The following SBNO1 variants were observed in gnomAD, a reference collection of about 807,000 sequenced individuals.
SBNO1 encodes strawberry notch homolog 1, also known as protein strawberry notch homolog 1.
Under a neutral mutation model 173.6 loss-of-function variants are expected in SBNO1, and 23 were observed. The ratio of observed to expected loss-of-function variants is 0.13; its 90% confidence interval spans 0.10 to 0.19. The LOEUF (loss-of-function observed/expected upper bound fraction) is 0.19, where lower values mean the gene tolerates loss of function less well. SBNO1 is among the 10% of genes least tolerant of loss of function. The pLI, the probability that SBNO1 is intolerant of heterozygous loss-of-function variation, is 1.00. For missense variants in SBNO1, 1,238 were observed against 1,671.2 expected, an observed-to-expected ratio of 0.74 and a Z score of 4.52; for synonymous variants, 632 against 571.5, an observed-to-expected ratio of 1.11 and a Z score of -1.51.
chr12:123,323,285 C>T (rs1303126913), intron 16 of SBNO1, among the ~76,000 whole-genome samples: 2 of 152,226 alleles, frequency 1.3e-5, no homozygotes, highest in African/African-American at 4.8e-5. Flanking sequence ...GCAGTTCATT[C>T]CCAAAATATA....
At chr12:123,362,080 C>T (rs1180385647) in intron 1 of SBNO1, among the ~76,000 whole-genome samples, 1 of 150,718 alleles carries the variant, frequency 6.6e-6, no homozygotes, top group Non-Finnish European at 1.5e-5. Context: ...CAGAGGAATG[C>T]AGTGAGCCAA....
chr12:123,327,607 T>G, intron 12 of SBNO1, 28 bp from the exon 13 acceptor site: 1 of 1,605,118 alleles, frequency 6.2e-7, no homozygotes, highest in Non-Finnish European at 8.5e-7. Flanking sequence ...ATACAGTAAT[T>G]ACCAATACAG....
At chr12:123,323,889 A>G in intron 15 of SBNO1, 58 bp from the exon 16 acceptor site, 1 of 1,261,828 alleles carries the variant, frequency 7.9e-7, no homozygotes, top group South Asian at 1.6e-5. Flanking sequence ...TTATATGTAA[A>G]GTATTATTAA....
intron 3 of SBNO1, among the ~76,000 whole-genome samples, chr12:123,346,719 T>C (rs1873194613): frequency 6.6e-6 from 1 of 151,964 alleles, no homozygotes; most frequent in South Asian, 2.1e-4. Flanking sequence ...ACAACTTTTT[T>C]CAATATTTTG....
intron 6 of SBNO1, among the ~76,000 whole-genome samples, chr12:123,334,947 G>A (rs188315837): frequency 3.3e-5 from 5 of 152,314 alleles, no homozygotes; most frequent in Non-Finnish European, 7.3e-5. Flanking sequence ...TCAGCACTTT[G>A]GGAGGCCAAA....
At chr12:123,350,191 C>A in intron 2 of SBNO1, 119 bp downstream of exon 2, 1 of 1,160,820 alleles carries the variant, frequency 8.6e-7, no homozygotes. Flanking sequence ...GAGGTTGAGG[C>A]TTCAGTAAGC....
At chr12:123,363,982 T>C (rs976044186) in intron 1 of SBNO1, 1 of 985,508 alleles carries the variant, frequency 1.0e-6, no homozygotes, top group African/African-American at 1.7e-5. Flanking sequence ...GAACTCTGGA[T>C]GCTCGTTATG....
intron 1 of SBNO1, chr12:123,364,277 G>A (rs922505507): frequency 3.8e-5 from 37 of 985,446 alleles, no homozygotes; most frequent in African/African-American, 5.2e-5. Context: ...GAGGACTTGG[G>A]AAGGATCCGG....
At chr12:123,301,796 G>A (rs1197348314) in intron 30 of SBNO1, among the ~76,000 whole-genome samples, 1 of 152,142 alleles carries the variant, frequency 6.6e-6, no homozygotes, top group East Asian at 1.9e-4. Context: ...TCAGGAGGCT[G>A]AGATGGGAGG....
chr12:123,307,576 A>C (rs1566024570), intron 28 of SBNO1, among the ~76,000 whole-genome samples: 1 of 152,194 alleles, frequency 6.6e-6, no homozygotes, highest in Admixed American at 6.5e-5. Flanking sequence ...AATATTTGTA[A>C]ACAGAAAGCA....
intron 21 of SBNO1, among the ~76,000 whole-genome samples, chr12:123,316,992 G>A (rs531104235): frequency 3.9e-5 from 6 of 152,146 alleles, no homozygotes; most frequent in African/African-American, 1.2e-4. Flanking sequence ...ACGAGCCACT[G>A]CTCTCAGCTG....
rs566847288 is a variant in SBNO1, at chr12:123,307,797, C to T, written c.3630+1513G>A. On this transcript the variant is annotated intron_variant, in intron 28 of 31. Transcript: ENST00000602398. ...ATTAAAAAATTAGCCACATGCCAGG[C>T]GCGGTGGCTCATGCCTGTAATCCCA... 9.2e-5 allele frequency among the ~76,000 whole-genome samples: 14 copies of T among 152,262 alleles called. No homozygotes were observed. In the South Asian group the frequency reaches 2.5e-3, roughly 27 times the overall value.
chr12:123,291,768 G>C lies in SBNO1; in HGVS notation c.*4140C>G, dbSNP rs2048516743. 6.6e-6 allele frequency: 1 copy of C among 150,540 alleles called. No individual in the cohort carries two copies. The highest frequency in any genetic ancestry group is 2.4e-5 in the African/African-American group (1 of 41,060). The allele number at this position is 150,540 out of a possible 1,614,324, so 9.3% of individuals were successfully genotyped here. On this transcript the variant is annotated 3_prime_UTR_variant, in exon 32 of 32. Coordinates refer to ENST00000602398, the MANE Select transcript of SBNO1 (RefSeq NM_001167856.3). Reference sequence around the variant, plus strand: ...AGAGCTGAAGGGAAGAGGGAAAAGGGAGAAACAGGTGGGCAGAGTCCCAAT... The same window carrying C: ...AGAGCTGAAGGGAAGAGGGAAAAGGCAGAAACAGGTGGGCAGAGTCCCAAT...
At chr12:123,333,453 G>C (rs1871463607) in intron 7 of SBNO1, among the ~76,000 whole-genome samples, 1 of 151,958 alleles carries the variant, frequency 6.6e-6, no homozygotes, top group Admixed American at 6.6e-5. Context: ...AACAGTTCCA[G>C]GGAACACACT....
intron 30 of SBNO1, among the ~76,000 whole-genome samples, chr12:123,300,987 A>G (rs1319246479): frequency 7.6e-6 from 1 of 132,224 alleles, no homozygotes; most frequent in Non-Finnish European, 1.8e-5. Flanking sequence ...AAACAAAAAA[A>G]AAACCCAAGT....
Position 123,289,615 on chromosome 12 carries a change from T to C in SBNO1, c.*6293A>G, listed in dbSNP as rs1315466778. The C allele has an allele frequency of 6.6e-6, 1 of 152,136 alleles. No homozygotes were observed. Among genetic ancestry groups the C allele is most frequent in the Non-Finnish European group, 1.5e-5 (1 of 68,028 alleles). The allele number at this position is 152,136 out of a possible 1,614,324, so 9.4% of individuals were successfully genotyped here. On this transcript the variant is annotated 3_prime_UTR_variant, in exon 32 of 32. Coordinates refer to ENST00000602398, the MANE Select transcript of SBNO1 (RefSeq NM_001167856.3). ...AAAAGTATCCTTTGCTCAGAGGAGG[T>C]AGAACCTGGCCAAAGTTTTATTGCA...
intron 30 of SBNO1, 94 bp from the exon 31 acceptor site, chr12:123,298,265 C>A: frequency 1.6e-6 from 2 of 1,231,576 alleles, no homozygotes; most frequent in Non-Finnish European, 2.2e-6. Context: ...AATTTCTTTT[C>A]TTTTCTTTTT....
Position 123,348,041 on chromosome 12 carries a change from T to C in SBNO1, c.225A>G (p.Leu75=), listed in dbSNP as rs1202012878. The C allele has an allele frequency of 2.5e-6, 4 of 1,595,246 alleles. No individual in the cohort carries two copies. Among genetic ancestry groups the C allele is most frequent in the Admixed American group, 3.4e-5 (2 of 59,600 alleles). The change falls in exon 3 of 32, where the codon CTA becomes CTG. Residue 75 remains leucine, a synonymous_variant. Coordinates refer to ENST00000602398, the MANE Select transcript of SBNO1 (RefSeq NM_001167856.3). ...QEPETVPTPA[L]LNVRQQPPST... is the part of the protein sequence containing the mutation. ...AAATCATTCTTACCCTCACATTTAA[T>C]AGTGCTGGAGTAGGTACAGTCTCTG...
chr12:123,327,601 A>G, intron 12 of SBNO1, 22 bp from the exon 13 acceptor site: 1 of 1,607,390 alleles, frequency 6.2e-7, no homozygotes, highest in Non-Finnish European at 8.5e-7. Context: ...TAAAACATAC[A>G]GTAATTACCA....
Sources: gnomAD v4.1 joint callset for allele counts (sites outside exome capture counted in the v4.1 genomes callset) on GRCh38, gnomAD v4.1.1 for gene constraint, MANE v1.5 for transcripts, NCBI Gene and HGNC (gene_info 2026-07-23, HGNC 2026-07-21) for gene names.